The following CUX1 variants were observed in gnomAD, a reference collection of about 807,000 sequenced individuals.
CUX1 encodes protein CASP.
Under a neutral mutation model 158.8 loss-of-function variants are expected in CUX1, and 31 were observed. The ratio of observed to expected loss-of-function variants is 0.20; its 90% CI spans 0.15 to 0.26. The LOEUF (loss-of-function observed/expected upper bound fraction) is 0.26. Ranked by LOEUF, CUX1 falls within the 10% of genes least tolerant of loss-of-function variation. CUX1 has a pLI of 1.00. For missense variants in CUX1, 1,589 were observed against 2,014.6 expected (o/e 0.79, Z 4.04); for synonymous variants, 879 against 862.1 (o/e 1.02, Z -0.34).
intron 1 of CUX1, among the ~76,000 whole-genome samples, chr7:101,874,443 C>T (rs1194321579): frequency 6.6e-6 from 1 of 152,236 alleles, no homozygotes; most frequent in African/African-American, 2.4e-5. Context: ...TTTCTCTAAA[C>T]TCCACCGGTA....
intron 1 of CUX1, among the ~76,000 whole-genome samples, chr7:101,897,375 C>T (rs1335265347): frequency 1.3e-5 from 2 of 152,030 alleles, no homozygotes; most frequent in African/African-American, 4.8e-5. Flanking sequence ...GTGGCATGCA[C>T]CTGTCGTGTC....
intron 8 of CUX1, among the ~76,000 whole-genome samples, chr7:102,124,673 G>T (rs758421849): frequency 6.6e-6 from 1 of 152,168 alleles, no homozygotes; most frequent in Admixed American, 6.5e-5. Context: ...GTGAGGAGAG[G>T]TTGGTTAAAT....
At chr7:102,220,187 C>G (rs888933846) in intron 20 of CUX1, among the ~76,000 whole-genome samples, 3 of 152,182 alleles carry the variant, frequency 2.0e-5, no homozygotes, top group African/African-American at 7.2e-5. Flanking sequence ...ATGGCGAAAT[C>G]CCATCTCTAC....
intron 1 of CUX1, among the ~76,000 whole-genome samples, chr7:101,891,329 A>G (rs995275716): frequency 1.3e-5 from 2 of 152,004 alleles, no homozygotes; most frequent in Admixed American, 1.3e-4. Context: ...AGCAATCCTC[A>G]CGCCTCAGAC....
intron 2 of CUX1, among the ~76,000 whole-genome samples, chr7:101,982,384 C>T (rs1327696055): frequency 6.6e-6 from 1 of 152,168 alleles, no homozygotes; most frequent in Non-Finnish European, 1.5e-5. Flanking sequence ...TGAATTTCCT[C>T]ACCTGCAAAA....
At chr7:101,998,824 T>C (rs1187178819) in intron 2 of CUX1, among the ~76,000 whole-genome samples, 16 of 152,186 alleles carry the variant, frequency 1.1e-4, no homozygotes, top group Admixed American at 1.0e-3. Context: ...TGTCCAGCTC[T>C]CTCTTCGTCG....
rs1804288490 is a variant in CUX1, at chr7:101,916,998, A to G, written c.141+773A>G. On this transcript the variant is annotated intron_variant, in intron 2 of 23. Coordinates refer to ENST00000292535, the MANE Select transcript of CUX1 (RefSeq NM_181552.4). This position sits in a 1 kb window ranked among gnomAD's most constrained non-coding sequence, Gnocchi z 4.4. ...GGTGACATCTGCCAGTTTGGTCCCC[A>G]TGGCGCTCATCCCGCGGGCTCGGAC... Among the ~76,000 whole-genome samples, 1 of 151,414 alleles carries G rather than the reference A, an allele frequency of 6.6e-6. No homozygotes were observed. Among genetic ancestry groups the G allele is most frequent in the South Asian group, 2.1e-4 (1 of 4,812 alleles).
chr7:102,160,619 G>A (rs554263904), intron 9 of CUX1, among the ~76,000 whole-genome samples: 1 of 151,682 alleles, frequency 6.6e-6, no homozygotes, highest in African/African-American at 2.4e-5. Context: ...TAAATTTCTT[G>A]GTCATAAAAA....
chr7:102,141,298 C>G (rs1426473725), intron 8 of CUX1, among the ~76,000 whole-genome samples: 2 of 152,168 alleles, frequency 1.3e-5, no homozygotes, highest in Admixed American at 6.5e-5. Flanking sequence ...TTTCACTTCC[C>G]AGCCCTGCGG....
In CUX1 at chr7:102,257,319, A is replaced by G. The variant is rs1208579947; in HGVS notation, c.*8277A>G. The G allele has an allele frequency of 3.1e-6, 3 of 968,498 alleles. No individual in the cohort carries two copies. Among genetic ancestry groups the G allele is most frequent in the Admixed American group, 6.8e-5 (1 of 14,608 alleles). The allele number at this position is 968,498 out of a possible 1,614,324, so 60.0% of individuals were successfully genotyped here. A position where few individuals can be genotyped will look rare whatever the true frequency, so the allele number is the denominator to read the frequency against. Reference sequence around the variant, plus strand: ...CTCCCCAGAAGCCTTTTTTTTTTTCATTTTTCTCTAATTAGTCTATGCATT... The same window carrying G: ...CTCCCCAGAAGCCTTTTTTTTTTTCGTTTTTCTCTAATTAGTCTATGCATT... On this transcript the variant is annotated 3_prime_UTR_variant, in exon 24 of 24. Transcript: ENST00000292535.
chr7:102,229,798 A>G (rs1798773837), intron 21 of CUX1, among the ~76,000 whole-genome samples: 1 of 151,348 alleles, frequency 6.6e-6, no homozygotes, highest in South Asian at 2.1e-4. Context: ...TTGTATTTTC[A>G]GTAGAGACAG....
intron 1 of CUX1, among the ~76,000 whole-genome samples, chr7:101,848,492 A>G (rs10273526): frequency 0.059 from 9,005 of 152,176 alleles, 922 homozygotes; most frequent in African/African-American, 0.2. Context: ...TCCAGATGGC[A>G]AAAGAATTTG....
At chr7:102,176,109 CTT>C (rs1460685142) in intron 10 of CUX1, among the ~76,000 whole-genome samples, 2 of 152,278 alleles carry the variant, frequency 1.3e-5, no homozygotes, top group Non-Finnish European at 2.9e-5. Context: ...CGAAACACCT[CTT>C]TTACAACCTC....
chr7:102,103,674 A>T (rs1554487334), intron 5 of CUX1, among the ~76,000 whole-genome samples: 1 of 151,098 alleles, frequency 6.6e-6, no homozygotes, highest in Admixed American at 6.6e-5. Flanking sequence ...GGCTCAAGGG[A>T]TCCTCTCACG....
chr7:102,238,692 G>A (rs1799855293), intron 22 of CUX1, among the ~76,000 whole-genome samples: 1 of 152,032 alleles, frequency 6.6e-6, no homozygotes, highest in South Asian at 2.1e-4. Context: ...TATCCCCATG[G>A]TCTCTTGCAC....
intron 14 of CUX1, 23 bp downstream of exon 14, chr7:102,195,626 G>C: frequency 6.3e-7 from 1 of 1,579,086 alleles, no homozygotes; most frequent in Non-Finnish European, 8.6e-7. Context: ...GGCTTCGCGC[G>C]TGTGCGGTGG....
intron 20 of CUX1, among the ~76,000 whole-genome samples, chr7:102,221,034 G>T (rs1187473703): frequency 6.6e-6 from 1 of 151,968 alleles, no homozygotes; most frequent in African/African-American, 2.4e-5. Flanking sequence ...CACTTAATGT[G>T]CCAGGCCACG....
At chr7:102,011,266 C>A (rs1439696990) in intron 2 of CUX1, among the ~76,000 whole-genome samples, 1 of 152,036 alleles carries the variant, frequency 6.6e-6, no homozygotes, top group Non-Finnish European at 1.5e-5. Context: ...CCAAGCCCAG[C>A]ACTGAGAGCG....
In CUX1 at chr7:102,189,695, C is replaced by T. The variant is rs1343900623; in HGVS notation, c.1018-118C>T. 50 of 1,094,112 alleles carry T rather than the reference C, an allele frequency of 4.6e-5. No homozygotes were observed. In the East Asian group the frequency reaches 6.5e-4, roughly 14 times the overall value. The allele number at this position is 1,094,112 out of a possible 1,614,324, so 67.8% of individuals were successfully genotyped here. A position where few individuals can be genotyped will look rare whatever the true frequency, so the allele number is the denominator to read the frequency against. ...TGGCCCCAGCACCGTTGACTCCATT[C>T]GCAAGGGCTGGCTTCCCCTCTCAGG... is the stretch of plus-strand genomic sequence containing the variant. On this transcript the variant is annotated intron_variant, in intron 11 of 23. Transcript: ENST00000292535.
Sources: allele counts gnomAD v4.1 joint callset (sites outside exome capture counted in the v4.1 genomes callset), GRCh38; gene constraint gnomAD v4.1.1; non-coding constraint Gnocchi (gnomAD v3.1); transcripts MANE v1.5; gene names NCBI Gene and HGNC (gene_info 2026-07-23, HGNC 2026-07-21).